EXOSC7: variants seen among roughly 807,000 people sequenced by gnomAD.
EXOSC7 encodes the protein exosome complex component RRP42.
A neutral mutation model predicts 34.3 loss-of-function variants in EXOSC7; 25 were observed. The ratio of observed to expected loss-of-function variants is 0.73; its 90% CI spans 0.53 to 1.02. EXOSC7 has a LOEUF of 1.02. Among genes scored for constraint, EXOSC7 ranks in the 50% least tolerant of loss-of-function variants. EXOSC7 has a pLI of 0.00. For synonymous variants in EXOSC7, 130 were observed against 143.0 expected, an observed-to-expected ratio of 0.91 and a Z score of 0.65; for missense variants, 370 against 368.5, an observed-to-expected ratio of 1.00 and a Z score of -0.03.
Position 44,996,569 on chromosome 3 carries a change from T to A in EXOSC7, c.255-518T>A, listed in dbSNP as rs554884849. ...AAGCTCTGACATACTATCATACATG[T>A]CTTTTAAGTTATTCCAGAAAGGTTA... On this transcript the variant is annotated intron_variant, in intron 3 of 7. Transcript: ENST00000265564. 5.3e-5 allele frequency among the ~76,000 whole-genome samples: 8 copies of A among 152,368 alleles called. No individual in the cohort carries two copies. The South Asian group carries it at 1.5e-3, about 28-fold the overall frequency.
chr3:44,998,669 C>G (rs1486222293), intron 4 of EXOSC7, among the ~76,000 whole-genome samples: 1 of 152,214 alleles, frequency 6.6e-6, no homozygotes, highest in African/African-American at 2.4e-5. Context: ...GGAGCATAGT[C>G]AAAAGGTAGC....
At chr3:45,009,391 C>T (rs1325577761) in intron 7 of EXOSC7, among the ~76,000 whole-genome samples, 1 of 152,228 alleles carries the variant, frequency 6.6e-6, no homozygotes, top group Non-Finnish European at 1.5e-5. Flanking sequence ...CATCTGGATT[C>T]AGAGGCGTCA....
At chr3:44,982,081 A>G (rs1706285369) in intron 1 of EXOSC7, among the ~76,000 whole-genome samples, 1 of 152,060 alleles carries the variant, frequency 6.6e-6, no homozygotes. Context: ...CTTGCTGTCC[A>G]GCTTCCCTTC....
chr3:44,992,727 AG>A (rs1263850278), intron 3 of EXOSC7, among the ~76,000 whole-genome samples: 3 of 152,162 alleles, frequency 2.0e-5, no homozygotes. Context: ...GCCCAAAGGA[AG>A]GGAAGATTTT....
At position 44,976,325 on chromosome 3, in the gene EXOSC7, T is replaced by G; in HGVS notation, c.48T>G (p.His16Gln). ...LSEAEKVYIV[H>Q]GVQEDLRVDG... ...AGGCGGAGAAGGTGTACATCGTGCA[T>G]GGCGTCCAGGTAGCTACAGCAGCGG... The change falls in exon 1 of 8, where the codon CAT becomes CAG. Residue 16 changes from histidine (H) to glutamine (Q), a missense_variant. His to Gln is a conservative substitution (Grantham distance 24). This residue lies in a region of EXOSC7 where 95 missense variants were observed against 79.8 expected (regional missense o/e 1.19). Transcript: ENST00000265564. 6.4e-7 allele frequency: 1 copy of G among 1,571,136 alleles called. No individual in the cohort carries two copies. The highest frequency in any genetic ancestry group is 8.6e-7 in the Non-Finnish European group (1 of 1,164,480).
chr3:45,005,253 C>T (rs969326798), intron 5 of EXOSC7, 38 bp from the exon 6 acceptor site: 3 of 1,611,684 alleles, frequency 1.9e-6, no homozygotes, highest in Middle Eastern at 3.3e-4. Context: ...TATTTTTCCT[C>T]CTCCAAGTGG....
intron 6 of EXOSC7, among the ~76,000 whole-genome samples, chr3:45,006,410 T>G (rs1407907844): frequency 3.1e-5 from 4 of 127,064 alleles, no homozygotes; most frequent in Admixed American, 7.8e-5. Flanking sequence ...ATTTGTTTTT[T>G]TTTTTTTTTT....
chr3:45,007,676 T>A, intron 7 of EXOSC7, 101 bp downstream of exon 7: 1 of 1,298,214 alleles, frequency 7.7e-7, no homozygotes, highest in Non-Finnish European at 1.0e-6. Flanking sequence ...ATTCACAGCC[T>A]TGACCCCAAA....
At chr3:45,008,812 C>A (rs1471768804) in intron 7 of EXOSC7, among the ~76,000 whole-genome samples, 1 of 152,228 alleles carries the variant, frequency 6.6e-6, no homozygotes, top group Non-Finnish European at 1.5e-5. Context: ...AGGTACTCTT[C>A]CCCCTCCCAG....
chr3:45,005,122 C>T (rs1576025045), intron 5 of EXOSC7, 169 bp from the exon 6 acceptor site: 25 of 666,558 alleles, frequency 3.8e-5, no homozygotes, highest in South Asian at 3.0e-4. Context: ...TGCACTGCGG[C>T]GCCTCCTGTG....
chr3:44,989,360 G>T, intron 2 of EXOSC7, 119 bp downstream of exon 2: 1 of 904,764 alleles, frequency 1.1e-6, no homozygotes. Context: ...TCGAAGATCC[G>T]AGCCAAACTC....
intron 4 of EXOSC7, among the ~76,000 whole-genome samples, chr3:44,998,031 G>GTTTTTTTTTTTTTTTTTTTTTTT (rs200353427): frequency 7.0e-6 from 1 of 142,778 alleles, no homozygotes; most frequent in Non-Finnish European, 1.5e-5. Context: ...ATTTTTTTTT[G>GTTTTTTTTTTTTTTTTTTTTTTT]TTTTTTTGTT....
chr3:44,999,810 GA>G (rs1706825827), intron 4 of EXOSC7, among the ~76,000 whole-genome samples: 1 of 152,216 alleles, frequency 6.6e-6, no homozygotes, highest in Non-Finnish European at 1.5e-5. Context: ...TTCATCAGTG[GA>G]TGGGTGATAT....
intron 3 of EXOSC7, 71 bp downstream of exon 3, chr3:44,989,715 C>CT: frequency 7.8e-7 from 1 of 1,288,096 alleles, no homozygotes; most frequent in Admixed American, 2.0e-5. Context: ...AAATGAACCT[C>CT]TGGTTTGCTG....
intron 4 of EXOSC7, among the ~76,000 whole-genome samples, chr3:45,001,020 C>G (rs1706860262): frequency 6.6e-6 from 1 of 152,116 alleles, no homozygotes; most frequent in East Asian, 1.9e-4. Context: ...GGGTGAAGGA[C>G]TGTGTCAGTG....
chr3:44,990,916 T>C (rs1488878994), intron 3 of EXOSC7, among the ~76,000 whole-genome samples: 2 of 152,360 alleles, frequency 1.3e-5, no homozygotes, highest in Middle Eastern at 3.4e-3. Flanking sequence ...TGGACTGCAA[T>C]GGCAGCCCTT....
At chr3:44,991,398 G>A (rs1706568987) in intron 3 of EXOSC7, among the ~76,000 whole-genome samples, 1 of 152,212 alleles carries the variant, frequency 6.6e-6, no homozygotes, top group Non-Finnish European at 1.5e-5. Flanking sequence ...GAAGCAGAAT[G>A]CCTCTGGTGG....
intron 1 of EXOSC7, among the ~76,000 whole-genome samples, chr3:44,976,799 G>C (rs780248193): frequency 1.3e-5 from 2 of 152,152 alleles, no homozygotes; most frequent in Non-Finnish European, 2.9e-5. Flanking sequence ...AAGGGGGAAG[G>C]GTTTTTAAAA....
intron 1 of EXOSC7, among the ~76,000 whole-genome samples, chr3:44,981,195 G>A (rs1377093014): frequency 6.6e-6 from 1 of 152,154 alleles, no homozygotes; most frequent in Non-Finnish European, 1.5e-5. Context: ...TTGGCCCATG[G>A]GTAAGCCACT....
Sources: allele counts gnomAD v4.1 joint callset (sites outside exome capture counted in the v4.1 genomes callset), GRCh38; gene constraint gnomAD v4.1.1; regional missense constraint gnomAD v4.1.1; transcripts MANE v1.5; gene names NCBI Gene and HGNC (gene_info 2026-07-23, HGNC 2026-07-21).